STIM2: variants seen among roughly 807,000 people sequenced by gnomAD.
STIM2 encodes the protein stromal interaction molecule 2.
STIM2 carries 31 observed loss-of-function variants against 85.8 expected under a neutral mutation model. The observed-to-expected ratio is 0.36, with a 90% CI of 0.27 to 0.49. The LOEUF is 0.49. Among genes scored for constraint, STIM2 ranks in the 20% least tolerant of loss-of-function variants. The pLI, the probability that STIM2 is intolerant of heterozygous loss-of-function variation, is 0.98. For synonymous variants in STIM2, 356 were observed against 331.1 expected (o/e 1.08, Z -0.82); for missense variants, 841 against 927.6 (o/e 0.91, Z 1.21).
At chr4:26,911,110 G>T (rs934205687) in intron 1 of STIM2, among the ~76,000 whole-genome samples, 1 of 151,914 alleles carries the variant, frequency 6.6e-6, no homozygotes, top group Non-Finnish European at 1.5e-5. Flanking sequence ...GGTGGTGGGC[G>T]CCTGTAGTCC....
intron 1 of STIM2, among the ~76,000 whole-genome samples, chr4:26,864,696 A>T (rs563814624): frequency 3.8e-4 from 58 of 152,130 alleles, no homozygotes; most frequent in Non-Finnish European, 7.6e-4. Context: ...TAGAAATAAC[A>T]TATATAAAAA....
chr4:26,997,940 T>C (rs1330672227), intron 4 of STIM2, among the ~76,000 whole-genome samples: 1 of 152,222 alleles, frequency 6.6e-6, no homozygotes, highest in African/African-American at 2.4e-5. Flanking sequence ...TATCTTTCTA[T>C]ACAAAATGTA....
At chr4:27,017,041 T>C (rs1401839181) in intron 10 of STIM2, among the ~76,000 whole-genome samples, 3 of 152,200 alleles carry the variant, frequency 2.0e-5, no homozygotes, top group African/African-American at 7.2e-5. Context: ...AGGTGAGTTA[T>C]GTTCGTTCAG....
intron 1 of STIM2, chr4:26,874,274 T>G (rs922234193): frequency 3.6e-5 from 15 of 414,654 alleles, no homozygotes; most frequent in Non-Finnish European, 6.2e-5. Flanking sequence ...AGCTCCTTGC[T>G]GTTCTTGAGC....
At chr4:26,903,747 A>C (rs1200815428) in intron 1 of STIM2, among the ~76,000 whole-genome samples, 4 of 152,284 alleles carry the variant, frequency 2.6e-5, no homozygotes, top group Non-Finnish European at 5.9e-5. Flanking sequence ...AGAAGGCAGC[A>C]GGTTATTTCT....
At chr4:26,885,821 T>TTTTATATATATA (rs1723196472) in intron 1 of STIM2, among the ~76,000 whole-genome samples, 1 of 84,632 alleles carries the variant, frequency 1.2e-5, no homozygotes, top group Non-Finnish European at 2.7e-5. Flanking sequence ...GCACCTCAGG[T>TTTTATATATATA]TATATATATA....
intron 1 of STIM2, among the ~76,000 whole-genome samples, chr4:26,898,636 C>T (rs149295853): frequency 3.4e-4 from 52 of 152,250 alleles, no homozygotes; most frequent in African/African-American, 1.2e-3. Flanking sequence ...TCATGAAATA[C>T]AGTTGATAAA....
At chr4:26,934,913 C>CAAAA (rs1160656482) in intron 2 of STIM2, among the ~76,000 whole-genome samples, 23 of 57,570 alleles carry the variant, frequency 4.0e-4, no homozygotes, top group African/African-American at 6.8e-4. Context: ...AACTCCATCT[C>CAAAA]AAAAAAAAAA....
Position 27,022,885 on chromosome 4 carries a change from A to T in STIM2, c.2130A>T (p.Glu710Asp). The change falls in exon 12 of 12, where the codon GAA (glutamate) becomes GAT (aspartate). Residue 710 changes from glutamate to aspartate, a missense_variant. Glu to Asp is a conservative substitution (Grantham distance 45, BLOSUM62 2). Around this residue, in one of 3 missense-constraint regions of STIM2, gnomAD observed 293 missense variants for 284.5 expected, o/e 1.03. Transcript: ENST00000467087. ...GCAACGACAGTAAACCAGTTCAGGA[A>T]GCCCCAAGTGTTGCCAGAATAAGCA... The T allele has an allele frequency of 6.2e-7, 1 of 1,614,234 alleles. No individual in the cohort carries two copies. Among genetic ancestry groups the T allele is most frequent in the Non-Finnish European group, 8.5e-7 (1 of 1,180,040 alleles).
At chr4:26,921,051 T>G (rs913965017) in intron 2 of STIM2, among the ~76,000 whole-genome samples, 1 of 152,112 alleles carries the variant, frequency 6.6e-6, no homozygotes, top group Non-Finnish European at 1.5e-5. Context: ...TAAGATAAAG[T>G]CATACTGGAG....
intron 1 of STIM2, chr4:26,861,660 A>T: frequency 3.6e-6 from 1 of 278,022 alleles, no homozygotes; most frequent in Non-Finnish European, 6.5e-6. Flanking sequence ...TTCGTGCTGC[A>T]GAAGTGCCAG....
intron 1 of STIM2, chr4:26,881,611 T>C (rs1243617821): frequency 6.6e-6 from 1 of 152,206 alleles, no homozygotes; most frequent in Non-Finnish European, 1.5e-5. Flanking sequence ...TTTAGACCTG[T>C]AAGCAAAAAA....
intron 4 of STIM2, 22 bp from the exon 5 acceptor site, chr4:26,999,210 T>C (rs1728062746): frequency 8.5e-7 from 1 of 1,180,714 alleles, no homozygotes; most frequent in Non-Finnish European, 1.2e-6. Context: ...TATATATGTG[T>C]GTGTGTTTTT....
At chr4:26,913,980 T>C (rs1436403710) in intron 1 of STIM2, among the ~76,000 whole-genome samples, 1 of 152,096 alleles carries the variant, frequency 6.6e-6, no homozygotes, top group Non-Finnish European at 1.5e-5. Flanking sequence ...CTATCTTACA[T>C]AGGGAAATAA....
chr4:26,957,793 C>T (rs950423615), intron 3 of STIM2, 67 bp downstream of exon 3: 18 of 950,720 alleles, frequency 1.9e-5, no homozygotes, highest in African/African-American at 1.2e-4. Flanking sequence ...TTGTTCTCAA[C>T]TCACTTATAG....
intron 3 of STIM2, among the ~76,000 whole-genome samples, chr4:26,967,863 A>G (rs1726785010): frequency 6.6e-6 from 1 of 152,138 alleles, no homozygotes; most frequent in Non-Finnish European, 1.5e-5. Flanking sequence ...AGGAAAGATG[A>G]AAAGTGGCTA....
intron 1 of STIM2, among the ~76,000 whole-genome samples, chr4:26,890,842 AAGG>A (rs1167275991): frequency 3.3e-5 from 5 of 151,830 alleles, no homozygotes; most frequent in Admixed American, 2.0e-4. Flanking sequence ...AAAAAAAAAA[AAGG>A]AGAGTACTTT....
At chr4:26,975,703 A>G (rs1208985550) in intron 3 of STIM2, among the ~76,000 whole-genome samples, 1 of 152,198 alleles carries the variant, frequency 6.6e-6, no homozygotes, top group African/African-American at 2.4e-5. Context: ...TAGGCTACAC[A>G]GGGATCAGGG....
chr4:26,873,864 C>T, intron 1 of STIM2: 1 of 1,184,856 alleles, frequency 8.4e-7, no homozygotes, highest in Middle Eastern at 2.1e-4. Context: ...CCCATCCGGG[C>T]AGAGAGGCAG....
Sources: allele counts gnomAD v4.1 joint callset (sites outside exome capture counted in the v4.1 genomes callset), GRCh38; gene constraint gnomAD v4.1.1; regional missense constraint gnomAD v4.1.1; transcripts MANE v1.5; gene names NCBI Gene and HGNC (gene_info 2026-07-23, HGNC 2026-07-21).